Variants in RPH3A observed in about 807,000 individuals in gnomAD.
The protein encoded by RPH3A is rabphilin 3A, also known as rabphilin-3A.
RPH3A carries 48 observed loss-of-function variants against 102.2 expected under a neutral mutation model. The ratio of observed to expected loss-of-function variants is 0.47; its 90% CI spans 0.37 to 0.60. The LOEUF (loss-of-function observed/expected upper bound fraction) is 0.60. Ranked by LOEUF, RPH3A falls within the 20% of genes least tolerant of loss-of-function variation. The probability of loss-of-function intolerance (pLI) is 0.00; values close to 1 mark genes in which losing one functional copy is unlikely to be tolerated. For synonymous variants in RPH3A, 310 were observed against 324.3 expected, an observed-to-expected ratio of 0.96 and a Z score of 0.47; for missense variants, 781 against 910.1, an observed-to-expected ratio of 0.86 and a Z score of 1.83.
intron 10 of RPH3A, among the ~76,000 whole-genome samples, chr12:112,871,930 A>C (rs2136230535): frequency 6.6e-6 from 1 of 151,340 alleles, no homozygotes; most frequent in South Asian, 2.1e-4. Flanking sequence ...TATATACTAC[A>C]TTCTGTTTAT....
intron 1 of RPH3A, among the ~76,000 whole-genome samples, chr12:112,771,348 G>A (rs1261762843): frequency 6.6e-6 from 1 of 152,092 alleles, no homozygotes; most frequent in Non-Finnish European, 1.5e-5. Context: ...TCAACTATAT[G>A]AAACACTTTG....
rs561727581 is a variant in RPH3A at position 112,772,837 on chromosome 12, C to T, written c.-139-19306C>T. ...GTGAGATTTTGGTTCACTCATCTCCCGAGCAGTATACACTGCACCATATTT... is the reference window on the plus strand; with the variant it reads ...GTGAGATTTTGGTTCACTCATCTCCTGAGCAGTATACACTGCACCATATTT... On this transcript the variant is annotated intron_variant, in intron 1 of 21. Transcript: ENST00000543106. Among the ~76,000 whole-genome samples, 325 of 151,932 alleles carry T rather than the reference C, an allele frequency of 2.1e-3. 1 individual carries two copies. The highest frequency in any genetic ancestry group is 3.2e-3 in the African/African-American group (131 of 41,412).
intron 1 of RPH3A, among the ~76,000 whole-genome samples, chr12:112,653,858 A>C (rs753238217): frequency 3.9e-5 from 6 of 152,200 alleles, no homozygotes; most frequent in African/African-American, 7.2e-5. Context: ...TTATTCTATA[A>C]GCTTTTTTAA....
intron 1 of RPH3A, among the ~76,000 whole-genome samples, chr12:112,616,435 C>G (rs537076061): frequency 6.6e-6 from 1 of 152,196 alleles, no homozygotes; most frequent in Non-Finnish European, 1.5e-5. Context: ...GTGTGAGCCA[C>G]CGCGCGCAGT....
chr12:112,721,302 A>T (rs2040548599), intron 1 of RPH3A, among the ~76,000 whole-genome samples: 1 of 152,196 alleles, frequency 6.6e-6, no homozygotes, highest in Non-Finnish European at 1.5e-5. Context: ...GACCTGAAGG[A>T]GTTGGTGAAT....
At chr12:112,880,342 A>G (rs763933888) in intron 14 of RPH3A, among the ~76,000 whole-genome samples, 9 of 152,298 alleles carry the variant, frequency 5.9e-5, no homozygotes, top group Non-Finnish European at 1.0e-4. Context: ...AGCACTTAAC[A>G]CTGCCCCTCC....
chr12:112,881,718 G>A, intron 14 of RPH3A, 54 bp from the exon 15 acceptor site: 2 of 1,347,074 alleles, frequency 1.5e-6, no homozygotes, highest in Non-Finnish European at 2.1e-6. Context: ...GCCGATGACA[G>A]CTGAGCACTG....
At chr12:112,823,922 C>T (rs1386729360) in intron 2 of RPH3A, among the ~76,000 whole-genome samples, 1 of 152,178 alleles carries the variant, frequency 6.6e-6, no homozygotes, top group Non-Finnish European at 1.5e-5. Context: ...TAGGATCACG[C>T]TGTGTTGGAT....
At position 112,847,764 on chromosome 12, in the gene RPH3A, C is replaced by T; in HGVS notation, c.152C>T (p.Thr51Ile). 2 of 1,614,206 alleles carry T rather than the reference C, an allele frequency of 1.2e-6. No individual in the cohort carries two copies. Among genetic ancestry groups the T allele is most frequent in the East Asian group, 2.2e-5 (1 of 44,892 alleles). ...AGGCAGAGGAAGCAGGAAGAGCTGA[C>T]TGATGAGGAGAAAGAAATCATCAAC... ...PDRQRKQEELTDEEKEIINRV... is the reference protein window; with the variant it reads ...PDRQRKQEELIDEEKEIINRV... Residue 51 changes from threonine (T) to isoleucine (I), a missense_variant, in exon 5 of 22, where the codon ACT (threonine) becomes ATT (isoleucine). Physicochemically the swap from Thr to Ile is moderately conservative, Grantham distance 89. This residue lies in a region of RPH3A where 730 missense variants were observed against 810.0 expected (regional missense o/e 0.90). Transcript: ENST00000389385.
intron 1 of RPH3A, among the ~76,000 whole-genome samples, chr12:112,694,830 C>A (rs898514949): frequency 3.3e-5 from 5 of 152,200 alleles, no homozygotes; most frequent in African/African-American, 4.8e-5. Flanking sequence ...ATAATGCCAA[C>A]CCATAGGGCT....
intron 2 of RPH3A, among the ~76,000 whole-genome samples, chr12:112,804,557 T>A (rs2041421093): frequency 6.6e-6 from 1 of 152,224 alleles, no homozygotes; most frequent in South Asian, 2.1e-4. Flanking sequence ...CAGGCAGGTG[T>A]GGCCCTCGTG....
intron 1 of RPH3A, among the ~76,000 whole-genome samples, chr12:112,645,174 T>G (rs998342287): frequency 6.6e-5 from 10 of 152,186 alleles, no homozygotes; most frequent in African/African-American, 2.4e-4. Flanking sequence ...GAAATGATAG[T>G]TACTAGACCA....
chr12:112,692,335 C>A (rs1354383902), intron 1 of RPH3A, among the ~76,000 whole-genome samples: 2 of 152,152 alleles, frequency 1.3e-5, no homozygotes, highest in African/African-American at 2.4e-5. Context: ...ATGTTCCCAA[C>A]ATAAATGATA....
chr12:112,755,768 T>C (rs994330734), intron 1 of RPH3A, among the ~76,000 whole-genome samples: 1 of 152,126 alleles, frequency 6.6e-6, no homozygotes, highest in South Asian at 2.1e-4. Flanking sequence ...CTAGTTGCTA[T>C]CAGCAGAGCC....
intron 4 of RPH3A, among the ~76,000 whole-genome samples, chr12:112,844,414 C>T (rs1352587270): frequency 6.6e-6 from 1 of 152,170 alleles, no homozygotes; most frequent in Non-Finnish European, 1.5e-5. Flanking sequence ...GGCCCTCAGT[C>T]ATACAGCTGC....
chr12:112,871,266 C>T (rs759404091), intron 10 of RPH3A, among the ~76,000 whole-genome samples: 12 of 152,188 alleles, frequency 7.9e-5, no homozygotes, highest in East Asian at 3.8e-4. Context: ...TACATTCACA[C>T]GGTTACACAA....
At chr12:112,614,228 C>G (rs555098253) in intron 1 of RPH3A, among the ~76,000 whole-genome samples, 31 of 152,224 alleles carry the variant, frequency 2.0e-4, no homozygotes, top group African/African-American at 7.5e-4. Flanking sequence ...AAATTTGTGG[C>G]AATTTGTCAC....
At chr12:112,794,722 A>T (rs1030584005) in intron 2 of RPH3A, among the ~76,000 whole-genome samples, 1 of 152,146 alleles carries the variant, frequency 6.6e-6, no homozygotes, top group Non-Finnish European at 1.5e-5. Context: ...AACCCTTTCC[A>T]GGGGGGCCCA....
intron 1 of RPH3A, among the ~76,000 whole-genome samples, chr12:112,756,315 C>T (rs1398179628): frequency 6.6e-6 from 1 of 151,934 alleles, no homozygotes; most frequent in African/African-American, 2.4e-5. Flanking sequence ...CTGGTTCAAA[C>T]AATTCTCCTG....
Sources: gnomAD v4.1 joint callset for allele counts (sites outside exome capture counted in the v4.1 genomes callset) on GRCh38, gnomAD v4.1.1 for gene constraint, gnomAD v4.1.1 regional missense constraint, MANE v1.5 for transcripts, NCBI Gene and HGNC (gene_info 2026-07-23, HGNC 2026-07-21) for gene names.